Variants in PARD3B observed in about 807,000 individuals in gnomAD.
PARD3B encodes the protein partitioning defective 3 homolog B.
PARD3B carries 103 observed loss-of-function variants against 130.2 expected under a neutral mutation model. The ratio of observed to expected loss-of-function variants is 0.79; its 90% CI spans 0.67 to 0.93. The LOEUF is 0.93. Ranked by LOEUF, PARD3B falls within the 40% of genes least tolerant of loss-of-function variation. The pLI, the probability that PARD3B is intolerant of heterozygous loss-of-function variation, is 0.00. For synonymous variants in PARD3B, 583 were observed against 553.2 expected, an observed-to-expected ratio of 1.05 and a Z score of -0.76; for missense variants, 1,609 against 1,499.2, an observed-to-expected ratio of 1.07 and a Z score of -1.21.
chr2:205,237,579 G>T (rs1046767183), intron 15 of PARD3B, among the ~76,000 whole-genome samples: 1 of 152,118 alleles, frequency 6.6e-6, no homozygotes, highest in Non-Finnish European at 1.5e-5. Flanking sequence ...AAGAAGAGCT[G>T]TTTGTATGAA....
At chr2:205,080,591 A>T (rs1296007231) in intron 4 of PARD3B, among the ~76,000 whole-genome samples, 1 of 152,150 alleles carries the variant, frequency 6.6e-6, no homozygotes, top group East Asian at 1.9e-4. Context: ...TATTTGAATT[A>T]TCCACTTTGG....
chr2:205,477,144 C>A (rs1444517017), intron 20 of PARD3B, among the ~76,000 whole-genome samples: 2 of 152,152 alleles, frequency 1.3e-5, no homozygotes, highest in African/African-American at 4.8e-5. Context: ...ACTCTGCAAA[C>A]GTTTCCTTTT....
chr2:205,357,101 A>C (rs912645977), intron 18 of PARD3B, among the ~76,000 whole-genome samples: 1 of 152,168 alleles, frequency 6.6e-6, no homozygotes, highest in Non-Finnish European at 1.5e-5. Context: ...TTGGACCAGC[A>C]TATGTTTATC....
intron 4 of PARD3B, among the ~76,000 whole-genome samples, chr2:205,104,034 ATGT>A (rs1703017553): frequency 6.6e-6 from 1 of 152,014 alleles, no homozygotes; most frequent in Admixed American, 6.6e-5. Flanking sequence ...TTATATTTTA[ATGT>A]TGTGAGGGGC....
intron 2 of PARD3B, among the ~76,000 whole-genome samples, chr2:204,840,881 A>G (rs2044235436): frequency 2.0e-5 from 3 of 152,166 alleles, no homozygotes; most frequent in Admixed American, 6.5e-5. Flanking sequence ...TGCCTAACTG[A>G]TAAGCTTTAT....
intron 2 of PARD3B, among the ~76,000 whole-genome samples, chr2:204,829,716 C>T (rs184185027): frequency 1.3e-5 from 2 of 151,980 alleles, no homozygotes; most frequent in African/African-American, 4.8e-5. Context: ...ATGTGTAGCA[C>T]TGGCCGGGCG....
At chr2:204,902,585 C>T (rs2046902998) in intron 2 of PARD3B, among the ~76,000 whole-genome samples, 3 of 144,744 alleles carry the variant, frequency 2.1e-5, no homozygotes, top group Admixed American at 7.2e-5. Context: ...AGGAGAATGG[C>T]GTGAACCCGG....
intron 15 of PARD3B, among the ~76,000 whole-genome samples, chr2:205,201,083 G>T (rs529328420): frequency 6.6e-6 from 1 of 152,102 alleles, no homozygotes; most frequent in African/African-American, 2.4e-5. Flanking sequence ...TACAAAGACA[G>T]TATAGAATGC....
chr2:205,184,061 A>G (rs945938182), intron 13 of PARD3B, among the ~76,000 whole-genome samples: 5 of 152,148 alleles, frequency 3.3e-5, no homozygotes, highest in African/African-American at 9.7e-5. Context: ...GGAGAGAGGC[A>G]ATCTTTTTTG....
intron 2 of PARD3B, among the ~76,000 whole-genome samples, chr2:204,915,208 T>C (rs2047397962): frequency 6.6e-6 from 1 of 152,184 alleles, no homozygotes; most frequent in South Asian, 2.1e-4. Flanking sequence ...TTTACCTCCC[T>C]TCTCTGAGCC....
chr2:204,726,665 G>A (rs1004716679), intron 2 of PARD3B, among the ~76,000 whole-genome samples: 2 of 152,162 alleles, frequency 1.3e-5, no homozygotes, highest in African/African-American at 4.8e-5. Context: ...TATACAAAAT[G>A]TATTAATTTC....
At chr2:204,728,902 G>A (rs1228383146) in intron 2 of PARD3B, among the ~76,000 whole-genome samples, 1 of 152,140 alleles carries the variant, frequency 6.6e-6, no homozygotes, top group Non-Finnish European at 1.5e-5. Context: ...GACTCCCTCA[G>A]AACCCAGGAG....
intron 2 of PARD3B, among the ~76,000 whole-genome samples, chr2:204,882,604 G>A (rs114059776): frequency 2.6e-5 from 4 of 152,128 alleles, no homozygotes; most frequent in Non-Finnish European, 5.9e-5. Flanking sequence ...AAAGCTGCAG[G>A]CTGGTTCTAT....
intron 10 of PARD3B, among the ~76,000 whole-genome samples, chr2:205,150,554 G>C (rs1293794838): frequency 6.6e-6 from 1 of 152,116 alleles, no homozygotes; most frequent in Non-Finnish European, 1.5e-5. Flanking sequence ...GGAAATGGCT[G>C]TGTTAACTAC....
Position 205,072,424 on chromosome 2 carries a change from C to A in PARD3B, c.504+24734C>A, listed in dbSNP as rs1161879223. Among the ~76,000 whole-genome samples, 32 of 151,930 alleles carry A rather than the reference C, an allele frequency of 2.1e-4. 2 individuals carry two copies. In the South Asian group the frequency reaches 6.4e-3, roughly 31 times the overall value. On this transcript the variant is annotated intron_variant, in intron 4 of 22. Transcript: ENST00000406610. ...CGCCACCACGCCTGGCTAATTTTTA[C>A]ATTTTTGGTAGAGACGGGGTTTCAC... is the stretch of plus-strand genomic sequence containing the variant.
rs572348526 is a variant in PARD3B, at chr2:204,628,355, A to G, written c.121-57826A>G. 5.3e-5 allele frequency among the ~76,000 whole-genome samples: 8 copies of G among 151,990 alleles called. No homozygotes were observed. In the South Asian group the frequency reaches 1.2e-3, roughly 24 times the overall value. ...AGGTTCTGTAAGGGAAGTTTGTGAT[A>G]ATATGCATGGGCAAGTAGGATTGAC... On this transcript the variant is annotated intron_variant, in intron 1 of 22. Coordinates refer to ENST00000406610, the MANE Select transcript of PARD3B (RefSeq NM_001302769.2).
intron 3 of PARD3B, among the ~76,000 whole-genome samples, chr2:205,008,649 A>G (rs1695469142): frequency 6.6e-6 from 1 of 152,214 alleles, no homozygotes; most frequent in African/African-American, 2.4e-5. Context: ...AAACCGAGAT[A>G]GAAAACCTAA....
chr2:204,800,356 AAAG>A (rs1356785499), intron 2 of PARD3B, among the ~76,000 whole-genome samples: 2 of 151,330 alleles, frequency 1.3e-5, no homozygotes, highest in African/African-American at 4.9e-5. Flanking sequence ...GAAAAAAATC[AAAG>A]CACACCTATA....
At chr2:204,847,893 A>G (rs993832304) in intron 2 of PARD3B, among the ~76,000 whole-genome samples, 2 of 152,218 alleles carry the variant, frequency 1.3e-5, no homozygotes, top group Non-Finnish European at 2.9e-5. Context: ...GGAATCTTCT[A>G]TCAATGAGAT....
Sources: allele counts gnomAD v4.1 joint callset (sites outside exome capture counted in the v4.1 genomes callset), GRCh38; gene constraint gnomAD v4.1.1; transcripts MANE v1.5; gene names NCBI Gene and HGNC (gene_info 2026-07-23, HGNC 2026-07-21).